CFAP299: variants seen among roughly 807,000 people sequenced by gnomAD.
CFAP299 encodes the protein cilia and flagella associated protein 299.
In CFAP299, 21 loss-of-function variants were observed where a neutral mutation model predicts 27.0. That is an observed-to-expected ratio of 0.78 (90% CI 0.55 to 1.12). The LOEUF is 1.12. Among genes scored for constraint, CFAP299 ranks in the 50% most tolerant of loss-of-function variants. CFAP299 has a pLI of 0.00. For synonymous variants in CFAP299, 104 were observed against 98.1 expected, an observed-to-expected ratio of 1.06 and a Z score of -0.36; for missense variants, 310 against 276.6, an observed-to-expected ratio of 1.12 and a Z score of -0.86.
intron 1 of CFAP299, among the ~76,000 whole-genome samples, chr4:80,336,313 C>T (rs1038885351): frequency 6.6e-6 from 1 of 152,190 alleles, no homozygotes; most frequent in African/African-American, 2.4e-5. Flanking sequence ...GGCATCTTTA[C>T]ACCAACCTAG....
intron 2 of CFAP299, among the ~76,000 whole-genome samples, chr4:80,562,430 T>G (rs891339064): frequency 3.3e-5 from 5 of 151,980 alleles, no homozygotes; most frequent in Admixed American, 2.6e-4. Flanking sequence ...AAGCCCTGTC[T>G]CTACCAAAAA....
intron 3 of CFAP299, among the ~76,000 whole-genome samples, chr4:80,782,448 A>C (rs1314604301): frequency 1.3e-5 from 2 of 149,706 alleles, no homozygotes; most frequent in Admixed American, 6.8e-5. Flanking sequence ...TGACACCTGA[A>C]ATAGAGTGCT....
At chr4:80,803,727 TG>T (rs1329812607) in intron 3 of CFAP299, among the ~76,000 whole-genome samples, 1 of 149,106 alleles carries the variant, frequency 6.7e-6, no homozygotes, top group Non-Finnish European at 1.5e-5. Context: ...TTTAATATAA[TG>T]TATAATATAT....
intron 2 of CFAP299, among the ~76,000 whole-genome samples, chr4:80,457,896 A>G (rs1353475355): frequency 6.6e-6 from 1 of 152,072 alleles, no homozygotes; most frequent in Non-Finnish European, 1.5e-5. Context: ...TTACTTCTGC[A>G]TTTTCCAGTA....
chr4:80,819,297 AT>A (rs1473381522), intron 3 of CFAP299, among the ~76,000 whole-genome samples: 1 of 152,102 alleles, frequency 6.6e-6, no homozygotes, highest in African/African-American at 2.4e-5. Context: ...GTATAAAAGT[AT>A]TTGCAACTAA....
intron 3 of CFAP299, among the ~76,000 whole-genome samples, chr4:80,660,926 A>G (rs1303643042): frequency 6.6e-6 from 1 of 152,156 alleles, no homozygotes; most frequent in African/African-American, 2.4e-5. Flanking sequence ...TTAGTAGGTC[A>G]GATACAACAA....
intron 2 of CFAP299, among the ~76,000 whole-genome samples, chr4:80,571,296 C>T (rs192487458): frequency 3.3e-5 from 5 of 151,902 alleles, no homozygotes; most frequent in South Asian, 2.1e-4. Flanking sequence ...ATGCTCTTTG[C>T]GGCAAGTTTC....
At position 80,507,558 on chromosome 4, in the gene CFAP299, T is replaced by G. The variant is rs182255887; in HGVS notation, c.243-75535T>G. ...AAGTCTTTGGAAGATTCAATTTTAA[T>G]TGAAATCTAATCTATCATCAAATCA... On this transcript the variant is annotated intron_variant, in intron 2 of 5. Transcript: ENST00000358105. 6.6e-5 allele frequency among the ~76,000 whole-genome samples: 10 copies of G among 152,266 alleles called. No individual in the cohort carries two copies. The East Asian group carries it at 9.7e-4, about 15-fold the overall frequency.
chr4:80,938,290 A>G (rs1737019495), intron 4 of CFAP299, among the ~76,000 whole-genome samples: 1 of 152,204 alleles, frequency 6.6e-6, no homozygotes, highest in African/African-American at 2.4e-5. Flanking sequence ...GATGGCCATG[A>G]CACCCACGCT....
At chr4:80,455,984 A>G (rs768240542) in intron 2 of CFAP299, among the ~76,000 whole-genome samples, 4 of 152,212 alleles carry the variant, frequency 2.6e-5, no homozygotes, top group Non-Finnish European at 5.9e-5. Flanking sequence ...AGATGGTCAT[A>G]AATTCTTTGA....
intron 3 of CFAP299, among the ~76,000 whole-genome samples, chr4:80,743,663 CAT>C (rs994209994): frequency 1.3e-5 from 2 of 152,074 alleles, no homozygotes; most frequent in African/African-American, 4.8e-5. Context: ...TCATTTGCCA[CAT>C]GTCAGAAGCC....
chr4:80,838,963 G>A (rs1272627804), intron 3 of CFAP299, among the ~76,000 whole-genome samples: 1 of 152,034 alleles, frequency 6.6e-6, no homozygotes. Context: ...CAATGAGCCT[G>A]GACTGATCGT....
intron 1 of CFAP299, chr4:80,336,521 A>C (rs1272169872): frequency 6.6e-6 from 1 of 151,830 alleles, no homozygotes; most frequent in African/African-American, 2.4e-5. Context: ...AACTGGACCT[A>C]ATGGGTTGCT....
intron 2 of CFAP299, among the ~76,000 whole-genome samples, chr4:80,414,102 G>A (rs1345077394): frequency 3.2e-5 from 4 of 126,510 alleles, no homozygotes; most frequent in Middle Eastern, 0.011. Context: ...ACGGAGTCTC[G>A]CTCTGTCGCC....
At chr4:80,675,548 G>A (rs1053737018) in intron 3 of CFAP299, among the ~76,000 whole-genome samples, 9 of 152,206 alleles carry the variant, frequency 5.9e-5, no homozygotes, top group Non-Finnish European at 1.2e-4. Flanking sequence ...ATGCTGTGGT[G>A]GGAGAACCAC....
At chr4:80,784,254 G>A (rs1727108311) in intron 3 of CFAP299, among the ~76,000 whole-genome samples, 1 of 152,102 alleles carries the variant, frequency 6.6e-6, no homozygotes, top group Non-Finnish European at 1.5e-5. Context: ...AGGAAGGATT[G>A]CTGGGTCATA....
intron 4 of CFAP299, among the ~76,000 whole-genome samples, chr4:80,890,851 A>G (rs1327591348): frequency 5.3e-4 from 74 of 140,590 alleles, no homozygotes; most frequent in Admixed American, 4.8e-3. Flanking sequence ...TGGCTGCATA[A>G]ATGTCTTCTT....
At chr4:80,916,251 A>G (rs1735744635) in intron 4 of CFAP299, among the ~76,000 whole-genome samples, 1 of 96,198 alleles carries the variant, frequency 1.0e-5, no homozygotes, top group South Asian at 4.0e-4. Flanking sequence ...AACTAGACTG[A>G]AATATATATA....
intron 3 of CFAP299, among the ~76,000 whole-genome samples, chr4:80,671,204 A>C (rs896727573): frequency 6.6e-6 from 1 of 152,180 alleles, no homozygotes; most frequent in South Asian, 2.1e-4. Context: ...ATCTTTCTAC[A>C]TATGGCTAGC....
Sources: gnomAD v4.1 joint callset for allele counts (sites outside exome capture counted in the v4.1 genomes callset) on GRCh38, gnomAD v4.1.1 for gene constraint, MANE v1.5 for transcripts, NCBI Gene and HGNC (gene_info 2026-07-23, HGNC 2026-07-21) for gene names.